UTRN: variants seen among roughly 807,000 people sequenced by gnomAD.
UTRN encodes the protein utrophin, also known as dystrophin-related protein 1.
In UTRN, 283 loss-of-function variants were observed where a neutral mutation model predicts 463.9. That is an observed-to-expected ratio of 0.61 (90% confidence interval 0.55 to 0.67). The LOEUF (loss-of-function observed/expected upper bound fraction) is 0.67. Ranked by LOEUF, UTRN falls within the 30% of genes least tolerant of loss-of-function variation. The pLI is 0.00. For synonymous variants in UTRN, 1,442 were observed against 1,431.5 expected (o/e 1.01, Z -0.17); for missense variants, 3,922 against 4,084.3 (o/e 0.96, Z 1.08).
chr6:144,459,184 C>G lies in UTRN; in HGVS notation c.2537C>G (p.Thr846Arg), dbSNP rs2128560427. The G allele has an allele frequency of 6.2e-7, 1 of 1,610,696 alleles. No homozygotes were observed. The highest frequency in any genetic ancestry group is 8.5e-7 in the Non-Finnish European group (1 of 1,178,816). The change falls in exon 21 of 75, where the codon ACA becomes AGA. Residue 846 changes from threonine to arginine, a missense_variant. This residue lies in a region of UTRN where 2,349 missense variants were observed against 2,303.8 expected (regional missense o/e 1.02). Transcript: ENST00000367545. ...TTTTCTCTTCCTTAGCGGGAATTGA[C>G]AAATCTTCTTGGCCTTCACCCCAAA... ...SLKDSCQREL[T>R]NLLGLHPKIE... is the part of the protein sequence containing the mutation.
At chr6:144,514,534 C>A in intron 36 of UTRN, 116 bp from the exon 37 acceptor site, 1 of 1,104,536 alleles carries the variant, frequency 9.1e-7, no homozygotes, top group Non-Finnish European at 1.3e-6. Context: ...ATGCTGAAAT[C>A]TCTTACTGGG....
intron 65 of UTRN, among the ~76,000 whole-genome samples, chr6:144,804,008 T>C (rs554208288): frequency 6.6e-6 from 1 of 152,272 alleles, no homozygotes; most frequent in East Asian, 1.9e-4. Flanking sequence ...TTCTTGTTTT[T>C]CCTTTGATTT....
chr6:144,811,948 G>A (rs56245623), intron 65 of UTRN, among the ~76,000 whole-genome samples: 8,697 of 152,130 alleles, frequency 0.057, 334 homozygotes, highest in Middle Eastern at 0.11. Context: ...CGTGCCAAGT[G>A]ACTTTTTTTA....
intron 51 of UTRN, among the ~76,000 whole-genome samples, chr6:144,593,197 A>T (rs1803292189): frequency 6.6e-6 from 1 of 152,208 alleles, no homozygotes; most frequent in African/African-American, 2.4e-5. Flanking sequence ...AAAGAATTGA[A>T]CAAAATGCAC....
chr6:144,639,516 A>G (rs868206149), intron 51 of UTRN, among the ~76,000 whole-genome samples: 5 of 152,306 alleles, frequency 3.3e-5, no homozygotes, highest in Admixed American at 3.3e-4. Context: ...CAAGTTCGTG[A>G]TTCAACAGAC....
In UTRN at chr6:144,548,826, A is replaced by C; in HGVS notation, c.6782A>C (p.Glu2261Ala). 1 of 1,614,016 alleles carries C rather than the reference A, an allele frequency of 6.2e-7. No individual in the cohort carries two copies. Among genetic ancestry groups the C allele is most frequent in the Non-Finnish European group, 8.5e-7 (1 of 1,179,942 alleles). ...ATTGTCACTGTTGGGGATGTAGAAG[A>C]GATCAATAAGACCGTTTCCCGAATG... ...SNIVTVGDVE[E>A]INKTVSRMKI... The change falls in exon 47 of 75, where the codon GAG (glutamate) becomes GCG (alanine). Residue 2261 changes from glutamate (E) to alanine (A), a missense_variant. Glu to Ala is a moderately radical substitution (Grantham distance 107). This residue lies in a region of UTRN where 1,309 missense variants were observed against 1,452.6 expected (regional missense o/e 0.90). Transcript: ENST00000367545.
At chr6:144,794,875 GT>G (rs1449097053) in intron 63 of UTRN, among the ~76,000 whole-genome samples, 1 of 151,862 alleles carries the variant, frequency 6.6e-6, no homozygotes, top group East Asian at 1.9e-4. Context: ...CTCTTTTTTT[GT>G]TTGTTTGTTT....
intron 51 of UTRN, among the ~76,000 whole-genome samples, chr6:144,641,273 G>T (rs555456929): frequency 9.5e-4 from 145 of 152,234 alleles, no homozygotes; most frequent in Non-Finnish European, 1.8e-3. Flanking sequence ...ACTCAAAATG[G>T]AGGGACGGGT....
chr6:144,740,764 A>G (rs1789968922), intron 54 of UTRN, among the ~76,000 whole-genome samples: 1 of 152,180 alleles, frequency 6.6e-6, no homozygotes. Flanking sequence ...TTTCATGCTA[A>G]CTCCTACTGT....
chr6:144,783,667 G>T (rs577125624), intron 61 of UTRN, among the ~76,000 whole-genome samples: 4 of 152,110 alleles, frequency 2.6e-5, no homozygotes, highest in Non-Finnish European at 5.9e-5. Flanking sequence ...TAGAACACTA[G>T]AACTTATTCC....
chr6:144,806,534 A>G (rs1268126252), intron 65 of UTRN, among the ~76,000 whole-genome samples: 1 of 152,186 alleles, frequency 6.6e-6, no homozygotes, highest in East Asian at 1.9e-4. Flanking sequence ...ACTTGCATTT[A>G]ATAGCAATGA....
chr6:144,712,443 G>A (rs1318088702), intron 53 of UTRN, among the ~76,000 whole-genome samples: 6 of 152,172 alleles, frequency 3.9e-5, no homozygotes, highest in African/African-American at 1.4e-4. Context: ...ACAAATGTAG[G>A]CAAGAAACAG....
chr6:144,307,694 T>C (rs1054058985), intron 2 of UTRN, among the ~76,000 whole-genome samples: 6 of 151,892 alleles, frequency 4.0e-5, no homozygotes, highest in Admixed American at 1.3e-4. Context: ...AAGGGCAAAA[T>C]TTCTGATAAT....
chr6:144,351,066 T>C (rs1778067407), intron 2 of UTRN, among the ~76,000 whole-genome samples: 1 of 152,224 alleles, frequency 6.6e-6, no homozygotes, highest in Admixed American at 6.5e-5. Context: ...CCATTTTTTA[T>C]ATATTTTATG....
At chr6:144,835,982 G>T in intron 70 of UTRN, 44 bp downstream of exon 70, 1 of 1,600,608 alleles carries the variant, frequency 6.2e-7, no homozygotes, top group Non-Finnish European at 8.5e-7. Context: ...CCTTTCTTTT[G>T]TATGAATTTC....
intron 65 of UTRN, among the ~76,000 whole-genome samples, chr6:144,813,566 A>G (rs1214529834): frequency 1.3e-5 from 2 of 152,232 alleles, no homozygotes; most frequent in Non-Finnish European, 2.9e-5. Context: ...AGACATTTGT[A>G]AAGAGAATAA....
At chr6:144,499,111 G>C in intron 33 of UTRN, 146 bp from the exon 34 acceptor site, 1 of 778,672 alleles carries the variant, frequency 1.3e-6, no homozygotes. Flanking sequence ...AAGCTTAGAG[G>C]ATTCTAAGGT....
At position 144,781,994 on chromosome 6, in the gene UTRN, T is replaced by C; in HGVS notation, c.8705T>C (p.Leu2902Pro). The change falls in exon 61 of 75, where the codon CTC (leucine) becomes CCC (proline). Residue 2902 changes from leucine (L) to proline (P), a missense_variant. Around this residue, in one of 3 missense-constraint regions of UTRN, gnomAD observed 1,309 missense variants for 1,452.6 expected, o/e 0.90. Transcript: ENST00000367545. Reference protein sequence around the residue: ...QHKLNQNDQLLSVPDVINCLT... With the variant: ...QHKLNQNDQLPSVPDVINCLT... ...AAGTTGAACCAAAATGACCAGCTCC[T>C]CAGTGTTCCAGATGTCATCAACTGT... The C allele has an allele frequency of 6.2e-7, 1 of 1,614,076 alleles. No individual in the cohort carries two copies. Among genetic ancestry groups the C allele is most frequent in the Non-Finnish European group, 8.5e-7 (1 of 1,179,970 alleles).
At chr6:144,393,964 G>T (rs532173356) in intron 2 of UTRN, among the ~76,000 whole-genome samples, 2 of 152,266 alleles carry the variant, frequency 1.3e-5, no homozygotes, top group East Asian at 3.9e-4. Flanking sequence ...TCTCCTGTCT[G>T]GAAGAATGGA....
Sources: allele counts gnomAD v4.1 joint callset (sites outside exome capture counted in the v4.1 genomes callset), GRCh38; gene constraint gnomAD v4.1.1; regional missense constraint gnomAD v4.1.1; transcripts MANE v1.5; gene names NCBI Gene and HGNC (gene_info 2026-07-23, HGNC 2026-07-21).